Variants in CELSR1 observed in about 807,000 individuals in gnomAD.
CELSR1 encodes adhesion G protein-coupled receptor C1.
In CELSR1, 110 loss-of-function variants were observed where a neutral mutation model predicts 249.1. The ratio of observed to expected loss-of-function variants is 0.44; its 90% CI spans 0.38 to 0.52. The LOEUF is 0.52. Ranked by LOEUF, CELSR1 falls within the 20% of genes least tolerant of loss-of-function variation. The pLI is 0.00. For synonymous variants in CELSR1, 2,113 were observed against 1,900.0 expected, an observed-to-expected ratio of 1.11 and a Z score of -2.92; for missense variants, 4,109 against 4,296.4, an observed-to-expected ratio of 0.96 and a Z score of 1.22.
At chr22:46,389,133 G>A (rs778082654) in intron 18 of CELSR1, among the ~76,000 whole-genome samples, 157 bp downstream of exon 18, 5 of 152,226 alleles carry the variant, frequency 3.3e-5, no homozygotes, top group Non-Finnish European at 7.3e-5. Flanking sequence ...GTCAGGCACT[G>A]CACCCGCCAG....
rs756812289 is a variant in CELSR1, at chr22:46,389,311, C to T, written c.6534G>A (p.Thr2178=). The stretch of plus-strand genomic sequence containing the variant: ...CTACCTCGTGAAAGTCGGCGTCCTG[C>T]GTGGCTGCCAGGTCGAAGCCCTGCT... ...SWQQGFDLAA[T]QDADFHEDVI... The change falls in exon 18 of 35, where the codon ACG becomes ACA. Residue 2178 remains threonine (T), a synonymous_variant. Coordinates refer to ENST00000674500, the MANE Select transcript of CELSR1 (RefSeq NM_001378328.1). 53 of 1,607,652 alleles carry T rather than the reference C, an allele frequency of 3.3e-5. No homozygotes were observed. The highest frequency in any genetic ancestry group is 2.0e-4 in the Middle Eastern group (1 of 5,110).
intron 1 of CELSR1, among the ~76,000 whole-genome samples, chr22:46,515,250 C>A (rs1283830106): frequency 6.6e-6 from 1 of 152,208 alleles, no homozygotes; most frequent in African/African-American, 2.4e-5. Flanking sequence ...CACAGCCAGG[C>A]AAGTGACCCC....
At chr22:46,531,048 CA>C (rs2080786579) in intron 1 of CELSR1, among the ~76,000 whole-genome samples, 1 of 152,210 alleles carries the variant, frequency 6.6e-6, no homozygotes. Flanking sequence ...CCAGATAATT[CA>C]AGGGCTGATC....
At chr22:46,487,839 G>A (rs1254962740) in intron 1 of CELSR1, among the ~76,000 whole-genome samples, 3 of 142,274 alleles carry the variant, frequency 2.1e-5, no homozygotes, top group African/African-American at 7.9e-5. Flanking sequence ...GGGTTGGGAA[G>A]AAGGGAGTCC....
chr22:46,469,803 C>T (rs532090205), intron 1 of CELSR1, among the ~76,000 whole-genome samples: 4 of 150,204 alleles, frequency 2.7e-5, no homozygotes, highest in South Asian at 4.3e-4. Context: ...CGTGAACCAC[C>T]GCACCCGGCC....
intron 14 of CELSR1, among the ~76,000 whole-genome samples, chr22:46,392,810 C>T (rs1419229112): frequency 1.3e-5 from 2 of 152,286 alleles, no homozygotes; most frequent in East Asian, 3.9e-4. Context: ...CCTCCTGCCT[C>T]GGCCTCCAGA....
chr22:46,532,799 A>G (rs539567388), intron 1 of CELSR1, among the ~76,000 whole-genome samples: 2 of 151,948 alleles, frequency 1.3e-5, no homozygotes, highest in Non-Finnish European at 2.9e-5. Context: ...GTGTCTCCCA[A>G]TTCCAACACT....
At position 46,473,100 on chromosome 22, in the gene CELSR1, C is replaced by T. The variant is rs1045956943; in HGVS notation, c.3545-8755G>A. Among the ~76,000 whole-genome samples the T allele has an allele frequency of 1.3e-5, 2 of 152,124 alleles. No individual in the cohort carries two copies. Among genetic ancestry groups the T allele is most frequent in the African/African-American group, 4.8e-5 (2 of 41,492 alleles). On this transcript the variant is annotated intron_variant, in intron 1 of 34. Coordinates refer to ENST00000674500, the MANE Select transcript of CELSR1 (RefSeq NM_001378328.1). This position sits in a 1 kb window ranked among gnomAD's most constrained non-coding sequence, Gnocchi z 6.6. The stretch of plus-strand genomic sequence containing the variant: ...GGGTGGGTGAACCTCCGACTGCTGC[C>T]GGCCTCGTGGGCTCTCGGTGCAGGA...
chr22:46,369,119 G>A (rs1378112069), intron 27 of CELSR1, 60 bp downstream of exon 27: 1 of 1,543,926 alleles, frequency 6.5e-7, no homozygotes, highest in African/African-American at 1.4e-5. Flanking sequence ...GCAGAGACTG[G>A]ACGTCGGGGT....
In CELSR1 at chr22:46,534,201, C is replaced by A; in HGVS notation, c.2970G>T (p.Leu990Phe). The part of the protein sequence containing the change: ...SASVEIQVTI[L>F]DINDNAPMFE... The stretch of plus-strand genomic sequence containing the variant: ...ACATGGGGGCATTGTCATTAATGTC[C>A]AAGATGGTCACCTGGATTTCTACCG... The change falls in exon 1 of 35, where the codon TTG (leucine) becomes TTT (phenylalanine). Residue 990 changes from leucine (L) to phenylalanine (F), a missense_variant. Physicochemically the swap from Leu to Phe is conservative, Grantham distance 22. Around this residue, in one of 7 missense-constraint regions of CELSR1, gnomAD observed 886 missense variants for 896.5 expected, o/e 0.99. Transcript: ENST00000674500. This position sits in a 1 kb window ranked among gnomAD's most constrained non-coding sequence, Gnocchi z 9.7. The A allele has an allele frequency of 6.2e-7, 1 of 1,613,864 alleles. No homozygotes were observed.
intron 14 of CELSR1, 65 bp downstream of exon 14, chr22:46,394,077 T>C: frequency 1.9e-6 from 3 of 1,573,446 alleles, no homozygotes; most frequent in Non-Finnish European, 2.6e-6. Context: ...TGTGTGTATT[T>C]AGGGGCAGCT....
intron 1 of CELSR1, among the ~76,000 whole-genome samples, chr22:46,507,441 C>T (rs2147753432): frequency 6.6e-6 from 1 of 152,166 alleles, no homozygotes; most frequent in Non-Finnish European, 1.5e-5. Context: ...CCCCGAGCAG[C>T]TGCAGCGTAC....
chr22:46,364,607 TC>T lies in CELSR1; in HGVS notation c.8683del (p.Glu2895ArgfsTer35). ...ETKVSVELHR[E>X]EQGSHRGEYP... ...CTCTCCACGGTGACTGCCCTGCTCC[TC>T]GCGGTGCAGCTCCACGCTGACCTTG... On this transcript the variant is annotated frameshift_variant, in exon 33 of 35. Transcript: ENST00000674500. LOFTEE classifies it high-confidence loss of function. The T allele has an allele frequency of 6.2e-7, 1 of 1,612,692 alleles. No homozygotes were observed. The highest frequency in any genetic ancestry group is 8.5e-7 in the Non-Finnish European group (1 of 1,179,894).
Position 46,407,791 on chromosome 22 carries a change from A to G in CELSR1, c.5226+1205T>C, listed in dbSNP as rs2079283266. ...GAGAATTAGGCCTAAGGAGAGACATAAAGGGAGCTTTTTAGGAGGGAGAAT... is the reference window on the plus strand; with the variant it reads ...GAGAATTAGGCCTAAGGAGAGACATGAAGGGAGCTTTTTAGGAGGGAGAAT... On this transcript the variant is annotated intron_variant, in intron 9 of 34. Transcript: ENST00000674500. The surrounding 1 kb of genome is among the most constrained non-coding windows in gnomAD (Gnocchi z 4.8). Among the ~76,000 whole-genome samples the G allele has an allele frequency of 6.6e-6, 1 of 152,246 alleles. No homozygotes were observed. The highest frequency in any genetic ancestry group is 1.5e-5 in the Non-Finnish European group (1 of 68,042).
chr22:46,472,990 G>A lies in CELSR1; in HGVS notation c.3545-8645C>T, dbSNP rs530521937. Among the ~76,000 whole-genome samples, 2 of 152,322 alleles carry A rather than the reference G, an allele frequency of 1.3e-5. No homozygotes were observed. Among genetic ancestry groups the A allele is most frequent in the South Asian group, 2.1e-4 (1 of 4,830 alleles). Reference sequence around the variant, plus strand: ...ATTTCCAAATAACATCCCACTCTGAGGTTCCAGGTGGATGTGAATTTTGGG... The same window carrying A: ...ATTTCCAAATAACATCCCACTCTGAAGTTCCAGGTGGATGTGAATTTTGGG... On this transcript the variant is annotated intron_variant, in intron 1 of 34. Transcript: ENST00000674500. The surrounding 1 kb of genome is among the most constrained non-coding windows in gnomAD (Gnocchi z 7.0).
At chr22:46,449,815 T>C (rs2079861544) in intron 2 of CELSR1, among the ~76,000 whole-genome samples, 1 of 151,578 alleles carries the variant, frequency 6.6e-6, no homozygotes, top group Admixed American at 6.6e-5. Flanking sequence ...CAAAGTAGGG[T>C]CAGGACCAGA....
chr22:46,497,311 T>C (rs2080422877), intron 1 of CELSR1, among the ~76,000 whole-genome samples: 1 of 152,268 alleles, frequency 6.6e-6, no homozygotes, highest in Non-Finnish European at 1.5e-5. Context: ...ATAACAGCAA[T>C]GTTATCTCAT....
rs1391151387 is a variant in CELSR1, at chr22:46,433,522, G to A, written c.4523-41C>T. The stretch of plus-strand genomic sequence containing the variant: ...GAGACCCAGAGAGAAAACAGGGGTT[G>A]GCGGGGCCTACTGGGGACCGAGGAT... On this transcript the variant is annotated intron_variant, in intron 4 of 34. Coordinates refer to ENST00000674500, the MANE Select transcript of CELSR1 (RefSeq NM_001378328.1). This position sits in a 1 kb window ranked among gnomAD's most constrained non-coding sequence, Gnocchi z 5.7. The A allele has an allele frequency of 3.2e-6, 5 of 1,538,736 alleles. No homozygotes were observed. The highest frequency in any genetic ancestry group is 2.3e-5 in the East Asian group (1 of 43,452).
chr22:46,467,646 C>A (rs904438890), intron 1 of CELSR1, among the ~76,000 whole-genome samples: 1 of 151,954 alleles, frequency 6.6e-6, no homozygotes, highest in African/African-American at 2.4e-5. Flanking sequence ...CATGGTGAAA[C>A]CCCGTCTCTA....
Sources: allele counts gnomAD v4.1 joint callset (sites outside exome capture counted in the v4.1 genomes callset), GRCh38; gene constraint gnomAD v4.1.1; regional missense constraint gnomAD v4.1.1; non-coding constraint Gnocchi (gnomAD v3.1); transcripts MANE v1.5; gene names NCBI Gene and HGNC (gene_info 2026-07-23, HGNC 2026-07-21).